The following CPSF2 variants were observed in gnomAD, a reference collection of about 807,000 sequenced individuals.
CPSF2 encodes cleavage and polyadenylation specificity factor subunit 2.
A neutral mutation model predicts 84.2 loss-of-function variants in CPSF2; 51 were observed. The ratio of observed to expected loss-of-function variants is 0.61; its 90% confidence interval spans 0.48 to 0.77. CPSF2 has a LOEUF of 0.77. Among genes scored for constraint, CPSF2 ranks in the 30% least tolerant of loss-of-function variants. The pLI is 0.00. For missense variants in CPSF2, 641 were observed against 929.4 expected, an observed-to-expected ratio of 0.69 and a Z score of 4.03; for synonymous variants, 286 against 311.9, an observed-to-expected ratio of 0.92 and a Z score of 0.87.
At chr14:92,130,403 A>G (rs1424151958) in intron 2 of CPSF2, among the ~76,000 whole-genome samples, 1 of 152,228 alleles carries the variant, frequency 6.6e-6, no homozygotes, top group Non-Finnish European at 1.5e-5. Context: ...TCATTGTAAT[A>G]CAGTGAAATC....
chr14:92,150,569 G>A (rs1420711137), intron 9 of CPSF2, among the ~76,000 whole-genome samples: 1 of 151,934 alleles, frequency 6.6e-6, no homozygotes, highest in African/African-American at 2.4e-5. Context: ...CTAGGACTAC[G>A]GGTGTGTTTC....
Position 92,150,183 on chromosome 14 carries a change from C to T in CPSF2, c.1141-4175C>T, listed in dbSNP as rs1374786459. ...TGCTCTGTCGCCAGGCTGGAGCGCT[C>T]GGCTCACTGCAACCTCTACTTCCCG... On this transcript the variant is annotated intron_variant, in intron 9 of 15. Transcript: ENST00000298875. 4.6e-5 allele frequency among the ~76,000 whole-genome samples: 7 copies of T among 151,008 alleles called. 1 individual carries two copies. The highest frequency in any genetic ancestry group is 3.3e-4 in the Admixed American group (5 of 15,150).
At chr14:92,122,344 G>C (rs12886834) in intron 1 of CPSF2, 3 of 173,334 alleles carry the variant, frequency 1.7e-5, no homozygotes, top group Non-Finnish European at 3.8e-5. Context: ...GCTGTTTTGC[G>C]GCAGCCCGTA....
chr14:92,153,603 G>A (rs960067249), intron 9 of CPSF2, among the ~76,000 whole-genome samples: 2 of 151,982 alleles, frequency 1.3e-5, no homozygotes, highest in Non-Finnish European at 2.9e-5. Context: ...GATTGAGACA[G>A]GGTCTTGCTC....
rs2069274128 is a variant in CPSF2 at position 92,155,266 on chromosome 14, C to CT, written c.1386dup (p.Met463TyrfsTer10). ...TTCAAACAGGCAAAAAAGTCCTATC[C>CT]TATGTTTCCTGCCCCAGAAGAAAGA... On this transcript the variant is annotated frameshift_variant, in exon 11 of 16. Coordinates refer to ENST00000298875, the MANE Select transcript of CPSF2 (RefSeq NM_017437.3). LOFTEE classifies it high-confidence loss of function. 2 of 1,613,928 alleles carry CT rather than the reference C, an allele frequency of 1.2e-6. No homozygotes were observed. The highest frequency in any genetic ancestry group is 2.2e-5 in the South Asian group (2 of 91,080).
chr14:92,154,387 A>G lies in CPSF2; in HGVS notation c.1170A>G (p.Lys390=), dbSNP rs763813789. 8 of 1,608,956 alleles carry G rather than the reference A, an allele frequency of 5.0e-6. No homozygotes were observed. The highest frequency in any genetic ancestry group is 1.1e-5 in the South Asian group (1 of 89,880). Residue 390 remains lysine, a synonymous_variant, in exon 10 of 16, where the codon AAA becomes AAG. Transcript: ENST00000298875. ...GGAAACGTGTGAAGCTTGAAGGGAA[A>G]GAACTTGAAGAATACTTGGAAAAAG... ...ELRKRVKLEG[K]ELEEYLEKEK...
chr14:92,129,580 A>G (rs1595050170), intron 2 of CPSF2, among the ~76,000 whole-genome samples: 1 of 152,278 alleles, frequency 6.6e-6, no homozygotes, highest in East Asian at 1.9e-4. Context: ...TTAGCCAGGA[A>G]AAGCTCATTT....
chr14:92,161,796 C>G lies in CPSF2; in HGVS notation c.*52C>G, dbSNP rs764785989. 3.0e-6 allele frequency: 3 copies of G among 1,010,464 alleles called. No individual in the cohort carries two copies. Among genetic ancestry groups the G allele is most frequent in the South Asian group, 3.2e-5 (2 of 62,948 alleles). The allele number at this position is 1,010,464 out of a possible 1,614,324, so 62.6% of individuals were successfully genotyped here. On this transcript the variant is annotated 3_prime_UTR_variant, in exon 16 of 16. Coordinates refer to ENST00000298875, the MANE Select transcript of CPSF2 (RefSeq NM_017437.3). ...TTGACCTTTCTAAGAAAAAGGGATTCTTATCTTACTCTGAGCTTTTGATGT... is the reference window on the plus strand; with the variant it reads ...TTGACCTTTCTAAGAAAAAGGGATTGTTATCTTACTCTGAGCTTTTGATGT...
intron 4 of CPSF2, 23 bp downstream of exon 4, chr14:92,134,193 T>C: frequency 1.9e-6 from 3 of 1,612,962 alleles, no homozygotes; most frequent in Non-Finnish European, 2.5e-6. Flanking sequence ...ATTAAAAAAA[T>C]TTTGTTAGCA....
intron 1 of CPSF2, among the ~76,000 whole-genome samples, chr14:92,123,915 T>C (rs1398974713): frequency 6.6e-6 from 1 of 152,204 alleles, no homozygotes; most frequent in Non-Finnish European, 1.5e-5. Context: ...ATTCAACAAA[T>C]ACTTTATGTG....
Position 92,161,659 on chromosome 14 carries a change from C to A in CPSF2, c.2264C>A (p.Thr755Asn). ...TTTTTATTTGGTTTCTAGACGGAAA[C>A]TGGACGCATTGGATTAGAAGGCTGC... ...NNQVAVRRTE[T>N]GRIGLEGCLC... Residue 755 changes from threonine to asparagine, a missense_variant, in exon 16 of 16, where the codon ACT becomes AAT. By Grantham distance (65) the Thr-to-Asn change is moderately conservative. Transcript: ENST00000298875. The A allele has an allele frequency of 6.3e-7, 1 of 1,580,772 alleles. No individual in the cohort carries two copies. Among genetic ancestry groups the A allele is most frequent in the Non-Finnish European group, 8.5e-7 (1 of 1,170,342 alleles).
Position 92,143,124 on chromosome 14 carries a change from A to C in CPSF2, c.970A>C (p.Lys324Gln). Residue 324 changes from lysine to glutamine, a missense_variant, in exon 9 of 16, where the codon AAA (lysine) becomes CAA (glutamine). Physicochemically the swap from Lys to Gln is moderately conservative, Grantham distance 53. Transcript: ENST00000298875. ...LSDLARVPSP[K>Q]VVLASQPDLE... ...TGACTTGGCCCGTGTACCTAGCCCT[A>C]AAGTTGTACTTGCCAGCCAACCTGA... 1 of 1,614,108 alleles carries C rather than the reference A, an allele frequency of 6.2e-7. No homozygotes were observed. Among genetic ancestry groups the C allele is most frequent in the Non-Finnish European group, 8.5e-7 (1 of 1,180,018 alleles).
chr14:92,130,206 G>T (rs940934596), intron 2 of CPSF2, among the ~76,000 whole-genome samples: 5 of 151,468 alleles, frequency 3.3e-5, no homozygotes, highest in Non-Finnish European at 7.4e-5. Flanking sequence ...CAATGCAAGG[G>T]TTCTTAATGT....
intron 2 of CPSF2, among the ~76,000 whole-genome samples, chr14:92,129,284 T>C (rs1172550165): frequency 6.6e-6 from 1 of 152,008 alleles, no homozygotes; most frequent in Non-Finnish European, 1.5e-5. Flanking sequence ...TACAGGTGAG[T>C]ATGATCACAG....
chr14:92,159,178 A>G lies in CPSF2; in HGVS notation c.2017A>G (p.Ile673Val), dbSNP rs746232470. ...GGAAGCTCCCTCAGATTCTAGCGTT[A>G]TAGCACAACAAAAGGCCATGAAAAG... The part of the protein sequence containing the change: ...QVEAPSDSSV[I>V]AQQKAMKSLF... The change falls in exon 14 of 16, where the codon ATA becomes GTA. Residue 673 changes from isoleucine to valine, a missense_variant. Physicochemically the swap from Ile to Val is conservative, Grantham distance 29. Around this residue, in one of 2 missense-constraint regions of CPSF2, gnomAD observed 430 missense variants for 553.6 expected, o/e 0.78. Coordinates refer to ENST00000298875, the MANE Select transcript of CPSF2 (RefSeq NM_017437.3). 6.2e-7 allele frequency: 1 copy of G among 1,614,130 alleles called. No homozygotes were observed. The highest frequency in any genetic ancestry group is 8.5e-7 in the Non-Finnish European group (1 of 1,179,988).
intron 7 of CPSF2, among the ~76,000 whole-genome samples, chr14:92,140,404 A>T (rs2141463501): frequency 6.7e-6 from 1 of 149,864 alleles, no homozygotes; most frequent in Non-Finnish European, 1.5e-5. Context: ...GTTCAAGACC[A>T]GCCTGGGTAA....
intron 2 of CPSF2, among the ~76,000 whole-genome samples, chr14:92,129,346 G>C (rs565194931): frequency 2.0e-5 from 3 of 152,280 alleles, no homozygotes; most frequent in East Asian, 1.9e-4. Flanking sequence ...TAGGGGATTA[G>C]GTCTTACTGG....
rs1005435522 is a variant in CPSF2 at position 92,132,618 on chromosome 14, A to G, written c.150-1393A>G. 4.6e-5 allele frequency among the ~76,000 whole-genome samples: 7 copies of G among 151,430 alleles called. No individual in the cohort carries two copies. The South Asian group carries it at 6.3e-4, about 14-fold the overall frequency. ...GAAACCCCATCTCTACTAAAATTAC[A>G]AAGATTAGCCAGGCATGGTGGTGCA... On this transcript the variant is annotated intron_variant, in intron 3 of 15. Transcript: ENST00000298875.
intron 9 of CPSF2, among the ~76,000 whole-genome samples, chr14:92,150,184 G>A (rs1034624537): frequency 1.1e-4 from 16 of 150,070 alleles, no homozygotes; most frequent in East Asian, 2.0e-4. Context: ...TGGAGCGCTC[G>A]GCTCACTGCA....
Sources: allele counts gnomAD v4.1 joint callset (sites outside exome capture counted in the v4.1 genomes callset), GRCh38; gene constraint gnomAD v4.1.1; regional missense constraint gnomAD v4.1.1; transcripts MANE v1.5; gene names NCBI Gene and HGNC (gene_info 2026-07-23, HGNC 2026-07-21).